Variants in PLEKHG1 observed in about 807,000 individuals in gnomAD.
PLEKHG1 encodes pleckstrin homology and RhoGEF domain containing G1.
In PLEKHG1, 44 loss-of-function variants were observed where a neutral mutation model predicts 100.8. The ratio of observed to expected loss-of-function variants is 0.44; its 90% CI spans 0.34 to 0.56. The LOEUF (loss-of-function observed/expected upper bound fraction) is 0.56. Among genes scored for constraint, PLEKHG1 ranks in the 20% least tolerant of loss-of-function variants. The pLI is 0.01. For missense variants in PLEKHG1, 1,545 were observed against 1,720.9 expected, an observed-to-expected ratio of 0.90 and a Z score of 1.81; for synonymous variants, 640 against 662.5, an observed-to-expected ratio of 0.97 and a Z score of 0.52.
intron 2 of PLEKHG1, among the ~76,000 whole-genome samples, chr6:150,747,157 A>G (rs1783207814): frequency 6.6e-6 from 1 of 152,266 alleles, no homozygotes; most frequent in African/African-American, 2.4e-5. Context: ...AGTGTGTGCC[A>G]TCTTGAATAT....
At position 150,655,725 on chromosome 6, in the gene PLEKHG1, A is replaced by G. The variant is rs1043320789; in HGVS notation, c.-99+4939A>G. On this transcript the variant is annotated intron_variant, in intron 3 of 3. Transcript: ENST00000367326. Reference sequence around the variant, plus strand: ...TCCATCTCAAAAAAAAAAAAAAAAAAAAAAAGAAAATGTGACAAATATACA... The same window carrying G: ...TCCATCTCAAAAAAAAAAAAAAAAAGAAAAAGAAAATGTGACAAATATACA... Among the ~76,000 whole-genome samples the G allele has an allele frequency of 1.5e-4, 23 of 151,486 alleles. No homozygotes were observed. The East Asian group carries it at 1.5e-3, about 10-fold the overall frequency.
chr6:150,816,326 C>CTTTTTTTT (rs1173343082), intron 10 of PLEKHG1, among the ~76,000 whole-genome samples: 1,001 of 41,130 alleles, frequency 0.024, 314 homozygotes, highest in South Asian at 0.033. Context: ...CTCAAACATA[C>CTTTTTTTT]TTTTTTTTTT....
chr6:150,821,056 A>G (rs540210278), intron 12 of PLEKHG1, 139 bp from the exon 14 acceptor site: 24 of 656,932 alleles, frequency 3.7e-5, no homozygotes, highest in African/African-American at 2.4e-4. Context: ...TCTCTGAGCA[A>G]TGGGGATTTT....
intron 3 of PLEKHG1, among the ~76,000 whole-genome samples, chr6:150,661,786 CAG>C (rs1460076728): frequency 6.6e-6 from 1 of 152,164 alleles, no homozygotes; most frequent in Non-Finnish European, 1.5e-5. Context: ...AAGAATGATT[CAG>C]GGGAGCTTCA....
At chr6:150,622,647 CG>C (rs1168031969) in intron 1 of PLEKHG1, among the ~76,000 whole-genome samples, 2 of 152,172 alleles carry the variant, frequency 1.3e-5, no homozygotes, top group Admixed American at 6.5e-5. Context: ...GAACCTCTGA[CG>C]GATCCCCTAA....
At chr6:150,742,895 G>A (rs74375998) in intron 2 of PLEKHG1, among the ~76,000 whole-genome samples, 1 of 152,300 alleles carries the variant, frequency 6.6e-6, no homozygotes, top group East Asian at 1.9e-4. Context: ...GGCTGAGGAG[G>A]CCTTGCTGTC....
intron 1 of PLEKHG1, among the ~76,000 whole-genome samples, chr6:150,612,373 C>G (rs1028076233): frequency 2.8e-4 from 42 of 152,110 alleles, no homozygotes; most frequent in African/African-American, 1.0e-3. Flanking sequence ...CTCTCTGTTG[C>G]CCAGGCTGGA....
In PLEKHG1 at chr6:150,822,177, A is replaced by AAAAAAAAAC. The variant is rs1278144184; in HGVS notation, c.1447+945_1447+946insAAAAAAACA. On this transcript the variant is annotated intron_variant, in intron 13 of 15. Transcript: ENST00000358517. ...AAAAAAAAAAAAAAAAAAAAAAAAA[A>AAAAAAAAAC]AGAATAGGGCAGTTTCACAAAAACA... Among the ~76,000 whole-genome samples the AAAAAAAAAC allele has an allele frequency of 1.4e-4, 18 of 124,320 alleles. 2 individuals carry two copies. The highest frequency in any genetic ancestry group is 2.7e-4 in the South Asian group (1 of 3,704). The allele number at this position is 124,320 out of a possible 152,430, so 81.6% of individuals were successfully genotyped here. A position where few individuals can be genotyped will look rare whatever the true frequency, so the allele number is the denominator to read the frequency against.
chr6:150,780,619 G>A (rs1785256668), intron 3 of PLEKHG1, among the ~76,000 whole-genome samples: 1 of 151,494 alleles, frequency 6.6e-6, no homozygotes, highest in Non-Finnish European at 1.5e-5. Context: ...CTAGTATATC[G>A]ACTTTAAAAA....
chr6:150,708,650 C>T (rs1361657499), intron 3 of PLEKHG1, among the ~76,000 whole-genome samples: 2 of 152,156 alleles, frequency 1.3e-5, no homozygotes, highest in Non-Finnish European at 2.9e-5. Context: ...TGTATATAAA[C>T]TTAAGGTATA....
chr6:150,792,470 C>T (rs1786046647), intron 4 of PLEKHG1, among the ~76,000 whole-genome samples: 1 of 151,554 alleles, frequency 6.6e-6, no homozygotes, highest in Non-Finnish European at 1.5e-5. Flanking sequence ...GTCGGGAGTT[C>T]GAGACCAGCC....
chr6:150,612,318 G>T (rs1029372045), intron 1 of PLEKHG1, among the ~76,000 whole-genome samples: 1 of 151,736 alleles, frequency 6.6e-6, no homozygotes, highest in African/African-American at 2.4e-5. Flanking sequence ...TTTTTTTGTG[G>T]GGTTTTGTTT....
intron 14 of PLEKHG1, chr6:150,828,272 C>G: frequency 6.2e-7 from 1 of 1,612,762 alleles, no homozygotes; most frequent in African/African-American, 1.3e-5. Flanking sequence ...GAATCTGGAG[C>G]AATTACGACA....
At chr6:150,824,472 G>A (rs952489246) in intron 14 of PLEKHG1, among the ~76,000 whole-genome samples, 1 of 151,832 alleles carries the variant, frequency 6.6e-6, no homozygotes, top group Non-Finnish European at 1.5e-5. Flanking sequence ...GTTGATAAAC[G>A]TTGTATCTTT....
In PLEKHG1 at chr6:150,814,495, G is replaced by A. The variant is rs1164415274; in HGVS notation, c.1279-3688G>A. 3.3e-5 allele frequency among the ~76,000 whole-genome samples: 5 copies of A among 152,156 alleles called. No individual in the cohort carries two copies. The East Asian group carries it at 5.8e-4, about 18-fold the overall frequency. ...ACTTATTGAGCATACACACTGTGCT[G>A]AGTACTTTATATTCTTATTTCACCC... is the stretch of plus-strand genomic sequence containing the variant. On this transcript the variant is annotated intron_variant, in intron 10 of 15. Transcript: ENST00000358517.
chr6:150,843,475 T>A (rs1017590091), exon 16 of PLEKHG1: 5 of 152,238 alleles, frequency 3.3e-5, no homozygotes, highest in Admixed American at 2.6e-4. Flanking sequence ...ATATGTACTT[T>A]AAAGTATGTC....
chr6:150,733,819 TAAG>T (rs1554264632), exon 2 of PLEKHG1: 1 of 1,613,944 alleles, frequency 6.2e-7, no homozygotes, highest in Non-Finnish European at 8.5e-7. Flanking sequence ...TTAACCAGGA[TAAG>T]GAGGTAGGGG....
At chr6:150,791,686 A>G (rs909292593) in intron 4 of PLEKHG1, among the ~76,000 whole-genome samples, 1 of 151,666 alleles carries the variant, frequency 6.6e-6, no homozygotes, top group African/African-American at 2.4e-5. Flanking sequence ...GAAAAAAAAA[A>G]AAAAAAGAGG....
chr6:150,828,172 T>G lies in PLEKHG1; in HGVS notation c.1471-2410T>G, dbSNP rs754128774. ...AATCTGCCCACGATATTTGTTTACC[T>G]GGAAGGAGATATCAAGGCTCAGTTT... On this transcript the variant is annotated intron_variant, in intron 14 of 15. Transcript: ENST00000358517. 35 of 1,613,746 alleles carry G rather than the reference T, an allele frequency of 2.2e-5. 1 individual carries two copies. Among genetic ancestry groups the G allele is most frequent in the Non-Finnish European group, 2.8e-5 (33 of 1,179,894 alleles).
Sources: gnomAD v4.1 joint callset for allele counts (sites outside exome capture counted in the v4.1 genomes callset) on GRCh38, gnomAD v4.1.1 for gene constraint, MANE v1.5 for transcripts, NCBI Gene and HGNC (gene_info 2026-07-23, HGNC 2026-07-21) for gene names.